The following TRIO variants were observed in gnomAD, a reference collection of about 807,000 sequenced individuals.
TRIO encodes triple functional domain protein.
Under a neutral mutation model 351.9 loss-of-function variants are expected in TRIO, and 58 were observed. The ratio of observed to expected loss-of-function variants is 0.16; its 90% confidence interval spans 0.13 to 0.21. The LOEUF (loss-of-function observed/expected upper bound fraction) is 0.21, where lower values mean the gene tolerates loss of function less well. Ranked by LOEUF, TRIO falls within the 10% of genes least tolerant of loss-of-function variation. The pLI is 1.00. For synonymous variants in TRIO, 1,758 were observed against 1,595.7 expected (o/e 1.10, Z -2.42); for missense variants, 3,201 against 4,027.8 (o/e 0.79, Z 5.56).
intron 18 of TRIO, among the ~76,000 whole-genome samples, chr5:14,372,680 T>C (rs958313675): frequency 6.6e-6 from 1 of 152,212 alleles, no homozygotes; most frequent in African/African-American, 2.4e-5. Flanking sequence ...CTTCTACATA[T>C]GACTTTTTTT....
intron 1 of TRIO, among the ~76,000 whole-genome samples, chr5:14,234,478 C>T (rs1793654312): frequency 6.6e-6 from 1 of 152,252 alleles, no homozygotes; most frequent in South Asian, 2.1e-4. Flanking sequence ...CGGAGGTAGC[C>T]CCGTGAGCAG....
intron 3 of TRIO, among the ~76,000 whole-genome samples, chr5:14,284,519 A>G (rs773702): frequency 0.31 from 47,622 of 152,154 alleles, 10,048 homozygotes; most frequent in African/African-American, 0.6. Flanking sequence ...GTTTGATCAC[A>G]GAGGAAGGCG....
In TRIO at chr5:14,388,646, G is replaced by A; in HGVS notation, c.3915G>A (p.Lys1305=). 6.2e-7 allele frequency: 1 copy of A among 1,613,246 alleles called. No homozygotes were observed. Among genetic ancestry groups the A allele is most frequent in the Non-Finnish European group, 8.5e-7 (1 of 1,179,900 alleles). ...TGGCTGAGCTCATTCAAACTGAAAAGGCTTATGTAAGAGACCTCCGGGAAT... is the reference window on the plus strand; with the variant it reads ...TGGCTGAGCTCATTCAAACTGAAAAAGCTTATGTAAGAGACCTCCGGGAAT... ...FIMAELIQTE[K]AYVRDLRECM... is the part of the protein sequence containing the mutation. The change falls in exon 24 of 57, where the codon AAG becomes AAA. Residue 1305 remains lysine, a synonymous_variant. Coordinates refer to ENST00000344204, the MANE Select transcript of TRIO (RefSeq NM_007118.4).
intron 1 of TRIO, among the ~76,000 whole-genome samples, chr5:14,244,248 A>G (rs4702023): frequency 0.66 from 99,914 of 152,130 alleles, 33,936 homozygotes; most frequent in East Asian, 0.96. Flanking sequence ...TGAAGTTGCC[A>G]GTTTCGGGAA....
At chr5:14,176,573 C>A (rs1298324520) in intron 1 of TRIO, among the ~76,000 whole-genome samples, 1 of 152,202 alleles carries the variant, frequency 6.6e-6, no homozygotes, top group Non-Finnish European at 1.5e-5. Flanking sequence ...CCTACCTCAG[C>A]CTCCCGAGTA....
intron 55 of TRIO, 80 bp from the exon 56 acceptor site, chr5:14,507,042 G>C (rs1343631349): frequency 2.0e-6 from 3 of 1,477,426 alleles, no homozygotes; most frequent in East Asian, 4.9e-5. Flanking sequence ...TGACAGGTCC[G>C]ACATGTTTAC....
intron 1 of TRIO, among the ~76,000 whole-genome samples, chr5:14,244,451 T>C (rs977019720): frequency 1.3e-5 from 2 of 152,202 alleles, no homozygotes; most frequent in Non-Finnish European, 2.9e-5. Flanking sequence ...TGGGTTTTCA[T>C]AGTAGTATGT....
Position 14,492,804 on chromosome 5 carries a change from G to A in TRIO, c.7870G>A (p.Gly2624Arg), listed in dbSNP as rs770382076. 9 of 1,613,720 alleles carry A rather than the reference G, an allele frequency of 5.6e-6. No homozygotes were observed. The highest frequency in any genetic ancestry group is 3.3e-4 in the Middle Eastern group (2 of 6,040). Residue 2624 changes from glycine to arginine, a missense_variant, in exon 49 of 57, where the codon GGG (glycine) becomes AGG (arginine). Gly to Arg is a moderately radical substitution (Grantham distance 125, BLOSUM62 -2). Coordinates refer to ENST00000344204, the MANE Select transcript of TRIO (RefSeq NM_007118.4). ...TGCAGTCATCGTGGAGAACCCGGACGGGACTCTCAAGTGAGTGCTTGACAG... is the reference window on the plus strand; with the variant it reads ...TGCAGTCATCGTGGAGAACCCGGACAGGACTCTCAAGTGAGTGCTTGACAG... Reference protein sequence around the residue: ...TSAVIVENPDGTLKKSTSWHT... With the variant: ...TSAVIVENPDRTLKKSTSWHT...
At position 14,419,451 on chromosome 5, in the gene TRIO, A is replaced by G. The variant is rs79608037; in HGVS notation, c.4960-327A>G. ...GAACAGAAATTTGGAACAGAACTTTATCTCATTTTATCACCATATTTCATG... is the reference window on the plus strand; with the variant it reads ...GAACAGAAATTTGGAACAGAACTTTGTCTCATTTTATCACCATATTTCATG... On this transcript the variant is annotated intron_variant, in intron 33 of 56. Transcript: ENST00000344204. 2.1e-3 allele frequency among the ~76,000 whole-genome samples: 314 copies of G among 152,316 alleles called. 2 individuals are homozygous for G. Among genetic ancestry groups the G allele is most frequent in the Non-Finnish European group, 3.3e-3 (223 of 68,026 alleles).
At chr5:14,476,168 T>G (rs1301533451) in intron 40 of TRIO, among the ~76,000 whole-genome samples, 1 of 152,240 alleles carries the variant, frequency 6.6e-6, no homozygotes, top group Non-Finnish European at 1.5e-5. Context: ...AAAAATTATC[T>G]TAGAATGAAT....
chr5:14,306,250 T>G (rs1485163836), intron 8 of TRIO, among the ~76,000 whole-genome samples: 4 of 152,258 alleles, frequency 2.6e-5, no homozygotes, highest in Non-Finnish European at 5.9e-5. Flanking sequence ...GCTATGGAAT[T>G]AAGAAAGTCA....
At chr5:14,217,701 G>A (rs950302712) in intron 1 of TRIO, among the ~76,000 whole-genome samples, 3 of 152,186 alleles carry the variant, frequency 2.0e-5, no homozygotes, top group Non-Finnish European at 4.4e-5. Context: ...TATCATTCTA[G>A]AAGTGTGTGT....
chr5:14,366,490 G>A (rs990152556), intron 15 of TRIO, among the ~76,000 whole-genome samples: 3 of 152,170 alleles, frequency 2.0e-5, no homozygotes, highest in Non-Finnish European at 4.4e-5. Context: ...TCCTAAAAAT[G>A]CTGGAAAGGA....
intron 33 of TRIO, chr5:14,418,806 G>GA (rs1174803123): frequency 6.6e-6 from 1 of 152,550 alleles, no homozygotes; most frequent in Non-Finnish European, 1.5e-5. Context: ...TTCTTATGTA[G>GA]AAAAAACAAT....
intron 34 of TRIO, among the ~76,000 whole-genome samples, chr5:14,435,765 C>T (rs565077667): frequency 6.6e-6 from 1 of 152,176 alleles, no homozygotes; most frequent in Admixed American, 6.5e-5. Flanking sequence ...CTGTGGCTAT[C>T]AGGAGCCCTG....
At chr5:14,257,995 A>T (rs988862668) in intron 1 of TRIO, among the ~76,000 whole-genome samples, 2 of 152,228 alleles carry the variant, frequency 1.3e-5, no homozygotes, top group African/African-American at 4.8e-5. Flanking sequence ...CATTTCACAG[A>T]CGAGGAAGCG....
At chr5:14,229,136 AAC>A (rs1333375319) in intron 1 of TRIO, among the ~76,000 whole-genome samples, 1 of 152,124 alleles carries the variant, frequency 6.6e-6, no homozygotes, top group African/African-American at 2.4e-5. Context: ...ATACAACTAA[AAC>A]ACACCAGGGT....
chr5:14,454,523 A>C (rs1428081747), intron 34 of TRIO, among the ~76,000 whole-genome samples: 1 of 152,250 alleles, frequency 6.6e-6, no homozygotes, highest in African/African-American at 2.4e-5. Flanking sequence ...ATCACCATTC[A>C]TAGTGGTTGA....
intron 11 of TRIO, among the ~76,000 whole-genome samples, chr5:14,340,875 G>A (rs1741883910): frequency 1.3e-5 from 2 of 152,166 alleles, no homozygotes; most frequent in African/African-American, 2.4e-5. Flanking sequence ...TCTACCTCGA[G>A]GTAGAATGCA....
Sources: allele counts gnomAD v4.1 joint callset (sites outside exome capture counted in the v4.1 genomes callset), GRCh38; gene constraint gnomAD v4.1.1; transcripts MANE v1.5; gene names NCBI Gene and HGNC (gene_info 2026-07-23, HGNC 2026-07-21).